GPD1L: variants seen among roughly 807,000 people sequenced by gnomAD.
GPD1L encodes the protein glycerol-3-phosphate dehydrogenase 1-like protein.
GPD1L carries 17 observed loss-of-function variants against 32.9 expected under a neutral mutation model. The observed-to-expected ratio is 0.52, with a 90% confidence interval of 0.35 to 0.78. The LOEUF (loss-of-function observed/expected upper bound fraction) is 0.78. Ranked by LOEUF, GPD1L falls within the 30% of genes least tolerant of loss-of-function variation. The pLI is 0.01. For synonymous variants in GPD1L, 187 were observed against 165.9 expected, an observed-to-expected ratio of 1.13 and a Z score of -0.98; for missense variants, 361 against 447.8, an observed-to-expected ratio of 0.81 and a Z score of 1.75.
chr3:32,150,334 C>CT (rs1468256527), intron 5 of GPD1L, among the ~76,000 whole-genome samples: 9 of 151,908 alleles, frequency 5.9e-5, no homozygotes, highest in African/African-American at 2.2e-4. Context: ...TCTATGTTAT[C>CT]TTTTTTTTCC....
intron 1 of GPD1L, among the ~76,000 whole-genome samples, chr3:32,126,051 C>T (rs1232498759): frequency 6.6e-6 from 1 of 152,148 alleles, no homozygotes; most frequent in Non-Finnish European, 1.5e-5. Flanking sequence ...TAACTCTAGG[C>T]AGGTGTGGTG....
chr3:32,128,187 A>G lies in GPD1L; in HGVS notation c.159A>G (p.Thr53=). ...AAACAGTGAATGGCAGAAAACTGAC[A>G]GACATCATAAATAATGACCATGAAA... The part of the protein sequence containing the change: ...FEETVNGRKL[T]DIINNDHENV... Residue 53 remains threonine (T), a synonymous_variant, in exon 2 of 8, where the codon ACA becomes ACG. Coordinates refer to ENST00000282541, the MANE Select transcript of GPD1L (RefSeq NM_015141.4). The G allele has an allele frequency of 1.2e-6, 2 of 1,613,250 alleles. No individual in the cohort carries two copies. Among genetic ancestry groups the G allele is most frequent in the South Asian group, 1.1e-5 (1 of 91,054 alleles).
At chr3:32,143,476 G>C (rs773069030) in intron 4 of GPD1L, among the ~76,000 whole-genome samples, 2 of 152,012 alleles carry the variant, frequency 1.3e-5, no homozygotes, top group Non-Finnish European at 2.9e-5. Context: ...TGGTATCTTT[G>C]ACTCTTCAAA....
chr3:32,133,991 G>A (rs569137943), intron 2 of GPD1L, among the ~76,000 whole-genome samples: 6 of 152,320 alleles, frequency 3.9e-5, no homozygotes, highest in African/African-American at 1.2e-4. Context: ...TGATGCCTTC[G>A]TTCTGGGTTG....
At chr3:32,114,448 G>A (rs1700298550) in intron 1 of GPD1L, among the ~76,000 whole-genome samples, 1 of 152,216 alleles carries the variant, frequency 6.6e-6, no homozygotes. Context: ...CTTGCAACTA[G>A]CTGACATACA....
intron 4 of GPD1L, among the ~76,000 whole-genome samples, chr3:32,143,972 A>G (rs1700784926): frequency 6.6e-6 from 1 of 152,160 alleles, no homozygotes; most frequent in South Asian, 2.1e-4. Context: ...ACAGAGCAAG[A>G]CCTTGTCTCT....
chr3:32,148,827 A>G (rs568748034), intron 5 of GPD1L, among the ~76,000 whole-genome samples: 1 of 152,316 alleles, frequency 6.6e-6, no homozygotes, highest in Non-Finnish European at 1.5e-5. Context: ...CATAAATAAC[A>G]GTGATGGGTT....
chr3:32,149,808 G>T (rs1700884983), intron 5 of GPD1L, among the ~76,000 whole-genome samples: 1 of 152,158 alleles, frequency 6.6e-6, no homozygotes, highest in South Asian at 2.1e-4. Flanking sequence ...AATTAGCTGG[G>T]CGTGGTGGTG....
At position 32,158,975 on chromosome 3, in the gene GPD1L, T is replaced by C; in HGVS notation, c.718T>C (p.Phe240Leu). ...CCTGGGACTCATGGAAATGATTGCTTTTGCCAGGATCTTCTGCAAAGGCCA... is the reference window on the plus strand; with the variant it reads ...CCTGGGACTCATGGAAATGATTGCTCTTGCCAGGATCTTCTGCAAAGGCCA... Reference protein sequence around the residue: ...IRLGLMEMIAFARIFCKGQVS... With the variant: ...IRLGLMEMIALARIFCKGQVS... Residue 240 changes from phenylalanine (F) to leucine (L), a missense_variant, in exon 6 of 8, where the codon TTT becomes CTT. Transcript: ENST00000282541. 1 of 1,614,132 alleles carries C rather than the reference T, an allele frequency of 6.2e-7. No individual in the cohort carries two copies.
At position 32,113,944 on chromosome 3, in the gene GPD1L, C is replaced by T. The variant is rs1402362354; in HGVS notation, c.47+7186C>T. Among the ~76,000 whole-genome samples the T allele has an allele frequency of 2.6e-5, 4 of 152,286 alleles. No individual in the cohort carries two copies. In the East Asian group the frequency reaches 5.8e-4, roughly 22 times the overall value. On this transcript the variant is annotated intron_variant, in intron 1 of 7. Coordinates refer to ENST00000282541, the MANE Select transcript of GPD1L (RefSeq NM_015141.4). ...TCACAATGCATTGCAGCCTCAACCT[C>T]CAAGGCTCAAGCAATCCTCCCACCT...
rs560942810 is a variant in GPD1L, at chr3:32,107,246, T to G, written c.47+488T>G. Among the ~76,000 whole-genome samples the G allele has an allele frequency of 4.6e-5, 7 of 152,218 alleles. No homozygotes were observed. In the South Asian group the frequency reaches 6.2e-4, roughly 14 times the overall value. On this transcript the variant is annotated intron_variant, in intron 1 of 7. Coordinates refer to ENST00000282541, the MANE Select transcript of GPD1L (RefSeq NM_015141.4). ...GCGGGGCATGCTCTGCCCTTCAAGGTGCCCGTCTCGCCCCCGCTTCTGATA... is the reference window on the plus strand; with the variant it reads ...GCGGGGCATGCTCTGCCCTTCAAGGGGCCCGTCTCGCCCCCGCTTCTGATA...
chr3:32,156,068 A>G (rs1156565289), intron 5 of GPD1L, among the ~76,000 whole-genome samples: 2 of 152,012 alleles, frequency 1.3e-5, no homozygotes, highest in Non-Finnish European at 2.9e-5. Context: ...CTGACTCGGC[A>G]ACTCACCCCT....
At chr3:32,112,021 C>G (rs1311590987) in intron 1 of GPD1L, among the ~76,000 whole-genome samples, 1 of 152,200 alleles carries the variant, frequency 6.6e-6, no homozygotes, top group Non-Finnish European at 1.5e-5. Flanking sequence ...GGACACACTT[C>G]TGCCTTGGAA....
intron 1 of GPD1L, among the ~76,000 whole-genome samples, chr3:32,117,005 A>G (rs923962090): frequency 2.0e-5 from 3 of 152,232 alleles, no homozygotes; most frequent in Non-Finnish European, 4.4e-5. Flanking sequence ...AAATGTGGCT[A>G]TTCGGACTAC....
At chr3:32,156,355 C>T (rs968020811) in intron 5 of GPD1L, among the ~76,000 whole-genome samples, 4 of 152,216 alleles carry the variant, frequency 2.6e-5, no homozygotes, top group African/African-American at 4.8e-5. Flanking sequence ...ACCAATTCCT[C>T]ATCAGCTCTG....
intron 6 of GPD1L, 79 bp from the exon 7 acceptor site, chr3:32,159,489 A>AC (rs1701046576): frequency 2.1e-6 from 2 of 959,690 alleles, no homozygotes; most frequent in Admixed American, 2.4e-5. Context: ...AAGAAAAAAA[A>AC]CACTTAAAAA....
chr3:32,157,314 G>T (rs1305332913), intron 5 of GPD1L, among the ~76,000 whole-genome samples: 2 of 151,752 alleles, frequency 1.3e-5, no homozygotes, highest in African/African-American at 4.8e-5. Context: ...TGCGATCTCG[G>T]CTTACTGCAA....
chr3:32,164,304 G>A (rs1002746757), intron 7 of GPD1L, among the ~76,000 whole-genome samples: 6 of 152,212 alleles, frequency 3.9e-5, no homozygotes, highest in African/African-American at 1.2e-4. Flanking sequence ...AGGGGCTGAA[G>A]TTTCTAGGCT....
At chr3:32,140,122 G>A in intron 3 of GPD1L, 106 bp from the exon 4 acceptor site, 1 of 1,143,830 alleles carries the variant, frequency 8.7e-7, no homozygotes, top group East Asian at 2.3e-5. Flanking sequence ...TTTTACTCTT[G>A]TAAGTAGGAG....
Sources: gnomAD v4.1 joint callset for allele counts (sites outside exome capture counted in the v4.1 genomes callset) on GRCh38, gnomAD v4.1.1 for gene constraint, MANE v1.5 for transcripts, NCBI Gene and HGNC (gene_info 2026-07-23, HGNC 2026-07-21) for gene names.